Variants in TMEFF2 observed in about 807,000 individuals in gnomAD.
The protein encoded by TMEFF2 is transmembrane protein with EGF like and two follistatin like domains 2, also known as tomoregulin-2.
In TMEFF2, 28 loss-of-function variants were observed where a neutral mutation model predicts 53.8. That is an observed-to-expected ratio of 0.52 (90% CI 0.39 to 0.71). TMEFF2 has a LOEUF of 0.71. Ranked by LOEUF, TMEFF2 falls within the 30% of genes least tolerant of loss-of-function variation. The pLI, the probability that TMEFF2 is intolerant of heterozygous loss-of-function variation, is 0.00. For missense variants in TMEFF2, 353 were observed against 455.2 expected, an observed-to-expected ratio of 0.78 and a Z score of 2.04; for synonymous variants, 162 against 166.3, an observed-to-expected ratio of 0.97 and a Z score of 0.20.
chr2:192,119,651 A>C (rs191335101), intron 4 of TMEFF2, among the ~76,000 whole-genome samples: 1 of 152,334 alleles, frequency 6.6e-6, no homozygotes, highest in African/African-American at 2.4e-5. Flanking sequence ...CACCTCAGAC[A>C]ATACATCCCT....
At chr2:192,000,496 C>T (rs1346461334) in intron 5 of TMEFF2, among the ~76,000 whole-genome samples, 1 of 152,142 alleles carries the variant, frequency 6.6e-6, no homozygotes, top group Non-Finnish European at 1.5e-5. Flanking sequence ...ATTAGAATCT[C>T]CTGGAGAACT....
intron 3 of TMEFF2, among the ~76,000 whole-genome samples, chr2:192,183,387 A>C (rs2106038943): frequency 6.6e-6 from 1 of 152,122 alleles, no homozygotes; most frequent in South Asian, 2.1e-4. Context: ...CATACACTAG[A>C]TTAGAAATAC....
chr2:192,150,440 C>T (rs1177036035), intron 4 of TMEFF2, among the ~76,000 whole-genome samples: 1 of 151,782 alleles, frequency 6.6e-6, no homozygotes, highest in African/African-American at 2.4e-5. Context: ...CAGTTGAATG[C>T]TTTTTACAAT....
At chr2:192,061,596 T>C (rs79753024) in intron 4 of TMEFF2, among the ~76,000 whole-genome samples, 2 of 152,234 alleles carry the variant, frequency 1.3e-5, no homozygotes, top group East Asian at 3.9e-4. Context: ...CTGAGGAGAC[T>C]GAGGGATGAC....
intron 7 of TMEFF2, among the ~76,000 whole-genome samples, chr2:191,961,400 T>C (rs1214885505): frequency 6.6e-6 from 1 of 151,838 alleles, no homozygotes; most frequent in Non-Finnish European, 1.5e-5. Context: ...TTTTCAGTTT[T>C]GAATGTGTTT....
chr2:192,126,827 T>C (rs183637110), intron 4 of TMEFF2, among the ~76,000 whole-genome samples: 9 of 149,726 alleles, frequency 6.0e-5, no homozygotes, highest in Admixed American at 1.3e-4. Context: ...GCCTTCTAAC[T>C]ACAAAAACAA....
At chr2:192,145,105 T>C (rs11692956) in intron 4 of TMEFF2, among the ~76,000 whole-genome samples, 42,413 of 151,756 alleles carry the variant, frequency 0.28, 7,326 homozygotes, top group Non-Finnish European at 0.37. Context: ...TATTATATAG[T>C]GCTAGTCCTA....
chr2:192,121,378 A>G (rs73045760), intron 4 of TMEFF2, among the ~76,000 whole-genome samples: 22,302 of 152,012 alleles, frequency 0.15, 2,369 homozygotes, highest in African/African-American at 0.28. Context: ...TTTGTACATA[A>G]AGAGCTAGAG....
At chr2:192,075,332 T>TATATATATATATATATATATATACAC (rs796267672) in intron 4 of TMEFF2, among the ~76,000 whole-genome samples, 1 of 88,146 alleles carries the variant, frequency 1.1e-5, no homozygotes, top group African/African-American at 4.1e-5. Context: ...TATATATATA[T>TATATATATATATATATATATATACAC]ACATACATAC....
At chr2:192,144,795 T>A (rs2105993490) in intron 4 of TMEFF2, among the ~76,000 whole-genome samples, 1 of 152,138 alleles carries the variant, frequency 6.6e-6, no homozygotes, top group Non-Finnish European at 1.5e-5. Context: ...ACAGGTGGTT[T>A]AACATACAAA....
rs182025295 is a variant in TMEFF2, at chr2:192,054,282, C to G, written c.536+3397G>C. On this transcript the variant is annotated intron_variant, in intron 5 of 9. Coordinates refer to ENST00000272771, the MANE Select transcript of TMEFF2 (RefSeq NM_016192.4). ...TCTCAGATGTAGGCTATGCTTCTCC[C>G]AGCAACTTGTAACCAAGGCTTGGCT... Among the ~76,000 whole-genome samples, 8 of 152,112 alleles carry G rather than the reference C, an allele frequency of 5.3e-5. No homozygotes were observed. In the East Asian group the frequency reaches 1.3e-3, roughly 26 times the overall value.
chr2:192,070,859 A>C (rs1285576448), intron 4 of TMEFF2, among the ~76,000 whole-genome samples: 4 of 151,900 alleles, frequency 2.6e-5, no homozygotes, highest in African/African-American at 9.7e-5. Flanking sequence ...GTAGTTATTA[A>C]AGTTGTGTAC....
chr2:192,041,645 A>G (rs1687483711), intron 5 of TMEFF2, among the ~76,000 whole-genome samples: 1 of 152,216 alleles, frequency 6.6e-6, no homozygotes, highest in Non-Finnish European at 1.5e-5. Context: ...ATACATTCCC[A>G]CACAATCTCG....
chr2:192,176,015 G>A (rs1211063872), intron 4 of TMEFF2, among the ~76,000 whole-genome samples: 2 of 151,404 alleles, frequency 1.3e-5, no homozygotes, highest in African/African-American at 4.8e-5. Flanking sequence ...TCTGAATTTT[G>A]AGAGGAGGCA....
At chr2:191,951,153 TTATGTGTATG>T (rs1691865391) in intron 9 of TMEFF2, among the ~76,000 whole-genome samples, 1 of 147,298 alleles carries the variant, frequency 6.8e-6, no homozygotes, top group African/African-American at 2.4e-5. Flanking sequence ...ATATGTGGGT[TTATGTGTATG>T]TATGTGTGTG....
chr2:191,960,338 C>G (rs149385031), intron 7 of TMEFF2, among the ~76,000 whole-genome samples: 2 of 152,140 alleles, frequency 1.3e-5, no homozygotes, highest in Admixed American at 6.5e-5. Context: ...TAAAATAATT[C>G]GACTTCTATG....
chr2:192,028,436 T>A (rs1687028228), intron 5 of TMEFF2: 1 of 151,830 alleles, frequency 6.6e-6, no homozygotes, highest in African/African-American at 2.4e-5. Flanking sequence ...GGCAATAATG[T>A]CCTGAGAAAT....
intron 5 of TMEFF2, among the ~76,000 whole-genome samples, chr2:192,002,429 TC>T (rs1686387602): frequency 6.6e-6 from 1 of 152,184 alleles, no homozygotes; most frequent in Non-Finnish European, 1.5e-5. Context: ...TAAAAATACT[TC>T]CTGTGACTCT....
chr2:192,098,563 C>A lies in TMEFF2; in HGVS notation c.440-40788G>T, dbSNP rs559910204. ...GAGAACCAAGGTACTACCATGTTTT[C>A]CAGTTTAGTTTATAGCAGGGCAGCT... is the stretch of plus-strand genomic sequence containing the variant. On this transcript the variant is annotated intron_variant, in intron 4 of 9. Transcript: ENST00000272771. Among the ~76,000 whole-genome samples the A allele has an allele frequency of 1.4e-4, 21 of 152,268 alleles. No individual in the cohort carries two copies. The South Asian group carries it at 2.7e-3, about 20-fold the overall frequency.
Sources: allele counts gnomAD v4.1 joint callset (sites outside exome capture counted in the v4.1 genomes callset), GRCh38; gene constraint gnomAD v4.1.1; transcripts MANE v1.5; gene names NCBI Gene and HGNC (gene_info 2026-07-23, HGNC 2026-07-21).